Variants in PRH1 observed in about 807,000 individuals in gnomAD.
PRH1 encodes salivary acidic proline-rich phosphoprotein 1/2.
In PRH1, 7 loss-of-function variants were observed where a neutral mutation model predicts 7.9. That is an observed-to-expected ratio of 0.89 (90% CI 0.50 to 1.67). The LOEUF is 1.67. Among genes scored for constraint, PRH1 ranks in the 40% most tolerant of loss-of-function variants. The pLI, the probability that PRH1 is intolerant of heterozygous loss-of-function variation, is 0.00. For synonymous variants in PRH1, 45 were observed against 80.8 expected, an observed-to-expected ratio of 0.56 and a Z score of 2.38; for missense variants, 109 against 223.6, an observed-to-expected ratio of 0.49 and a Z score of 3.27.
Position 10,974,276 on chromosome 12 carries a change from G to C in PRH1, c.-125-555C>G, listed in dbSNP as rs188562837. 2.9e-3 allele frequency among the ~76,000 whole-genome samples: 436 copies of C among 152,284 alleles called. 3 individuals are homozygous for C. Among genetic ancestry groups the C allele is most frequent in the Admixed American group, 5.0e-3 (77 of 15,304 alleles). The stretch of plus-strand genomic sequence containing the variant: ...TTGGATCCACCTGCACCCCACCCCA[G>C]TCTACGAGTGTGTACTCTGCCACAC... On this transcript the variant is annotated intron_variant, in intron 1 of 3. Coordinates refer to the PRH1 transcript ENST00000539853.
intron 1 of PRH1, among the ~76,000 whole-genome samples, chr12:11,059,230 T>C (rs1307430283): frequency 6.6e-6 from 1 of 151,816 alleles, no homozygotes; most frequent in Non-Finnish European, 1.5e-5. Context: ...GGAAAAGTGC[T>C]GGGAGCCAAG....
At chr12:10,896,500 G>T (rs926224459) in intron 2 of PRH1, among the ~76,000 whole-genome samples, 1 of 151,990 alleles carries the variant, frequency 6.6e-6, no homozygotes, top group Non-Finnish European at 1.5e-5. Flanking sequence ...GGTGGCTCAC[G>T]CCTGTAATCC....
At chr12:11,102,137 A>G (rs1242089089) in intron 1 of PRH1, among the ~76,000 whole-genome samples, 1 of 152,182 alleles carries the variant, frequency 6.6e-6, no homozygotes, top group Non-Finnish European at 1.5e-5. Context: ...TATAGATTCA[A>G]TGCCATCCCC....
At chr12:11,048,453 T>A (rs1297468262), upstream of PRH1, 1 of 378,676 alleles carries the variant, frequency 2.6e-6, no homozygotes, top group African/African-American at 2.1e-5. Context: ...GATACATGAA[T>A]CCAAGAGTTT....
chr12:11,116,758 G>A (rs1386146815), downstream of PRH1, among the ~76,000 whole-genome samples: 2 of 152,032 alleles, frequency 1.3e-5, no homozygotes, highest in Non-Finnish European at 2.9e-5. Flanking sequence ...AGGATGCAAG[G>A]ATAGTTCAAC....
At chr12:11,137,842 AGATAAT>A (rs1194695619) in intron 1 of PRH1, among the ~76,000 whole-genome samples, 1 of 152,194 alleles carries the variant, frequency 6.6e-6, no homozygotes, top group Non-Finnish European at 1.5e-5. Context: ...ATGTGGATAT[AGATAAT>A]GATAATGATG....
At chr12:10,882,975 A>T (rs1591644195) in intron 2 of PRH1, 86 bp downstream of exon 2, 2 of 1,539,084 alleles carry the variant, frequency 1.3e-6, no homozygotes, top group East Asian at 2.2e-5. Flanking sequence ...CTGACAAGAA[A>T]ATGGTGATAA....
upstream of PRH1, among the ~76,000 whole-genome samples, chr12:10,885,853 T>G (rs576313168): frequency 6.6e-6 from 1 of 152,248 alleles, no homozygotes; most frequent in East Asian, 1.9e-4. Context: ...CCTAGACAGG[T>G]GTGCATGAGT....
chr12:11,028,619 T>C (rs1213217678), intron 1 of PRH1, among the ~76,000 whole-genome samples: 1 of 152,232 alleles, frequency 6.6e-6, no homozygotes, highest in Non-Finnish European at 1.5e-5. Flanking sequence ...TCATTTTTGT[T>C]TAAATAATCA....
At chr12:11,086,587 A>G (rs1230602912) in intron 1 of PRH1, among the ~76,000 whole-genome samples, 4 of 151,604 alleles carry the variant, frequency 2.6e-5, no homozygotes, top group African/African-American at 9.7e-5. Flanking sequence ...CCATTTTACA[A>G]CTACTGCCTG....
intron 1 of PRH1, among the ~76,000 whole-genome samples, chr12:11,137,117 T>C (rs1382542649): frequency 6.6e-6 from 1 of 152,100 alleles, no homozygotes; most frequent in African/African-American, 2.4e-5. Context: ...ACTCACCTTA[T>C]AGGGAAATTC....
chr12:10,929,166 C>A (rs1950165413), intron 2 of PRH1: 1 of 1,460,256 alleles, frequency 6.8e-7, no homozygotes, highest in Non-Finnish European at 9.5e-7. Context: ...CGAGGAGGCC[C>A]ACCTGGTAGG....
Position 11,031,106 on chromosome 12 carries a change from C to A in PRH1, c.-126+15914G>T, listed in dbSNP as rs1942187485. The A allele has an allele frequency of 1.9e-6, 3 of 1,614,170 alleles. No homozygotes were observed. The African/African-American group carries it at 4.0e-5, about 22-fold the overall frequency. On this transcript the variant is annotated intron_variant, in intron 1 of 3. Coordinates refer to the PRH1 transcript ENST00000539853. ...ATAAGCAGTAGTTCTTACTTCTACA[C>A]TATAAAAAGCTGGATTAAACACAGT...
Position 11,052,907 on chromosome 12 carries a change from T to C in PRH1, n.124-5719A>G, listed in dbSNP as rs190974019. 2.7e-5 allele frequency among the ~76,000 whole-genome samples: 4 copies of C among 150,150 alleles called. No homozygotes were observed. In the East Asian group the frequency reaches 7.7e-4, roughly 29 times the overall value. On this transcript the variant is annotated intron_variant and non_coding_transcript_variant, in intron 1 of 4. Transcript: ENST00000541977. ...CTTAACACTCTGTTCTTTTTAAAAA[T>C]GTTTCTGATTTTTTTGATTTTTTGT... is the stretch of plus-strand genomic sequence containing the variant.
At chr12:11,123,040 C>T (rs1592055927) in intron 1 of PRH1, among the ~76,000 whole-genome samples, 1 of 152,138 alleles carries the variant, frequency 6.6e-6, no homozygotes, top group East Asian at 1.9e-4. Context: ...CAACCCTAAA[C>T]TCAATAGCTT....
At chr12:10,927,635 T>C (rs1330662026) in intron 2 of PRH1, among the ~76,000 whole-genome samples, 1 of 152,254 alleles carries the variant, frequency 6.6e-6, no homozygotes, top group African/African-American at 2.4e-5. Context: ...TGTTTTGTTA[T>C]CTGCAACTCT....
At chr12:11,153,604 A>T (rs1947167451) in intron 1 of PRH1, among the ~76,000 whole-genome samples, 1 of 151,956 alleles carries the variant, frequency 6.6e-6, no homozygotes, top group Admixed American at 6.6e-5. Context: ...TGCCTTAAAA[A>T]CCTGTAATGA....
chr12:11,096,619 A>G (rs2136273341), intron 1 of PRH1, among the ~76,000 whole-genome samples: 2 of 115,544 alleles, frequency 1.7e-5, no homozygotes, highest in Middle Eastern at 3.9e-3. Context: ...TTTCATGTCA[A>G]TAGCTTTTTT....
chr12:10,987,541 A>T (rs1167799506), intron 1 of PRH1, among the ~76,000 whole-genome samples: 2 of 151,604 alleles, frequency 1.3e-5, no homozygotes, highest in Admixed American at 6.6e-5. Context: ...ACAAACACAG[A>T]AAGAGAGAGA....
Sources: allele counts gnomAD v4.1 joint callset (sites outside exome capture counted in the v4.1 genomes callset), GRCh38; gene constraint gnomAD v4.1.1; transcripts MANE v1.5; gene names NCBI Gene and HGNC (gene_info 2026-07-23, HGNC 2026-07-21).